The following MED13L variants were observed in gnomAD, a reference collection of about 807,000 sequenced individuals.
MED13L encodes mediator complex subunit 13L.
Under a neutral mutation model 220.9 loss-of-function variants are expected in MED13L, and 7 were observed. The observed-to-expected ratio is 0.03, with a 90% CI of 0.02 to 0.06. The LOEUF (loss-of-function observed/expected upper bound fraction) is 0.06, where lower values mean the gene tolerates loss of function less well. MED13L is among the 10% of genes least tolerant of loss of function. The pLI is 1.00. For missense variants in MED13L, 1,965 were observed against 2,760.5 expected, an observed-to-expected ratio of 0.71 and a Z score of 6.46; for synonymous variants, 1,011 against 1,015.2, an observed-to-expected ratio of 1.00 and a Z score of 0.08.
chr12:115,975,120 C>T lies in MED13L; in HGVS notation c.5731+51G>A, dbSNP rs369681219. The T allele has an allele frequency of 3.2e-6, 5 of 1,565,960 alleles. No homozygotes were observed. In the African/African-American group the frequency reaches 6.8e-5, roughly 21 times the overall value. On this transcript the variant is annotated intron_variant, in intron 25 of 30. Coordinates refer to ENST00000281928, the MANE Select transcript of MED13L (RefSeq NM_015335.5). Reference sequence around the variant, plus strand: ...CCCTTAGCTCAGTTAATGACAATAGCTGAGCCCTTTTCCTCTGTCTTCTGC... The same window carrying T: ...CCCTTAGCTCAGTTAATGACAATAGTTGAGCCCTTTTCCTCTGTCTTCTGC...
chr12:116,034,769 G>A (rs767424100), intron 4 of MED13L, among the ~76,000 whole-genome samples: 4 of 152,176 alleles, frequency 2.6e-5, no homozygotes, highest in Non-Finnish European at 5.9e-5. Context: ...ACTTTGGGAG[G>A]CCAAGGTGGG....
chr12:116,062,468 G>C (rs1244891999), intron 4 of MED13L, among the ~76,000 whole-genome samples: 6 of 142,692 alleles, frequency 4.2e-5, no homozygotes, highest in African/African-American at 1.6e-4. Context: ...ATAGAATAGT[G>C]TCTCTCTCTC....
At chr12:116,206,083 T>TC (rs1470684799) in intron 2 of MED13L, among the ~76,000 whole-genome samples, 1 of 137,844 alleles carries the variant, frequency 7.3e-6, no homozygotes, top group East Asian at 2.0e-4. Context: ...CCTTTTTTTT[T>TC]TTTTTTTTTT....
At chr12:116,208,366 A>C (rs1241310289) in intron 2 of MED13L, among the ~76,000 whole-genome samples, 1 of 152,200 alleles carries the variant, frequency 6.6e-6, no homozygotes, top group Non-Finnish European at 1.5e-5. Context: ...ATTGCACTCC[A>C]GCTTGGGCAA....
intron 1 of MED13L, among the ~76,000 whole-genome samples, chr12:116,241,080 G>A (rs920622315): frequency 2.6e-4 from 40 of 151,598 alleles, no homozygotes; most frequent in African/African-American, 5.1e-4. Flanking sequence ...AGGCAGAGGC[G>A]GGCGGATCAC....
At chr12:116,257,943 A>AC (rs1176122172) in intron 1 of MED13L, among the ~76,000 whole-genome samples, 3 of 152,158 alleles carry the variant, frequency 2.0e-5, no homozygotes, top group Non-Finnish European at 2.9e-5. Context: ...GCTGTATATT[A>AC]CTCCATTAAT....
chr12:116,048,588 T>G (rs537341474), intron 4 of MED13L, among the ~76,000 whole-genome samples: 1 of 152,148 alleles, frequency 6.6e-6, no homozygotes, highest in South Asian at 2.1e-4. Context: ...TGATACCATA[T>G]GGGCACCTTC....
chr12:116,244,425 G>A (rs763705569), intron 1 of MED13L, among the ~76,000 whole-genome samples: 3 of 152,052 alleles, frequency 2.0e-5, no homozygotes, highest in Non-Finnish European at 4.4e-5. Flanking sequence ...TAATTACAAC[G>A]GCAGGTGGAA....
At chr12:116,167,725 C>A (rs1879382884) in intron 2 of MED13L, among the ~76,000 whole-genome samples, 1 of 152,148 alleles carries the variant, frequency 6.6e-6, no homozygotes, top group Admixed American at 6.5e-5. Flanking sequence ...GCAGATATTC[C>A]AGTGTAGTCT....
At chr12:116,111,567 T>C in intron 2 of MED13L, 55 bp from the exon 3 acceptor site, 1 of 1,371,544 alleles carries the variant, frequency 7.3e-7, no homozygotes, top group East Asian at 2.3e-5. Flanking sequence ...GACATCCAAA[T>C]AAAAAGAAAC....
At chr12:116,224,589 C>T (rs1243656652) in intron 2 of MED13L, among the ~76,000 whole-genome samples, 2 of 152,170 alleles carry the variant, frequency 1.3e-5, no homozygotes, top group African/African-American at 4.8e-5. Flanking sequence ...ATAATAGAGG[C>T]TCAAATAAAT....
At chr12:116,198,356 A>AT (rs1345124341) in intron 2 of MED13L, among the ~76,000 whole-genome samples, 2 of 151,814 alleles carry the variant, frequency 1.3e-5, no homozygotes, top group African/African-American at 2.4e-5. Context: ...TTTAAAAAAA[A>AT]TTTTTTTTCA....
At chr12:115,994,420 A>G (rs1223716132) in intron 16 of MED13L, among the ~76,000 whole-genome samples, 1 of 152,184 alleles carries the variant, frequency 6.6e-6, no homozygotes, top group Non-Finnish European at 1.5e-5. Context: ...ACTGTACTCC[A>G]GCCCAGGTGA....
intron 2 of MED13L, among the ~76,000 whole-genome samples, chr12:116,210,315 C>T (rs1882608305): frequency 6.6e-6 from 1 of 152,156 alleles, no homozygotes; most frequent in South Asian, 2.1e-4. Context: ...GAAAAGTCAA[C>T]TGCTTTGAAA....
chr12:116,013,012 G>C, intron 8 of MED13L, 111 bp from the exon 9 acceptor site: 1 of 782,484 alleles, frequency 1.3e-6, no homozygotes, highest in South Asian at 1.4e-5. Flanking sequence ...GTATCCTGCT[G>C]ACATGTAGTT....
chr12:115,974,331 GTCTT>G (rs1876789889), intron 25 of MED13L, among the ~76,000 whole-genome samples: 1 of 152,178 alleles, frequency 6.6e-6, no homozygotes. Context: ...GTGACATTAA[GTCTT>G]TCTTTTGTGC....
At chr12:116,128,643 A>T (rs1297366820) in intron 2 of MED13L, among the ~76,000 whole-genome samples, 2 of 152,196 alleles carry the variant, frequency 1.3e-5, no homozygotes, top group Non-Finnish European at 2.9e-5. Context: ...AATTCATTCT[A>T]CTTATCAACT....
At chr12:116,103,653 T>C (rs1296280967) in intron 3 of MED13L, among the ~76,000 whole-genome samples, 1 of 152,206 alleles carries the variant, frequency 6.6e-6, no homozygotes, top group Non-Finnish European at 1.5e-5. Context: ...ACTAAATAGC[T>C]ACACAGACTG....
intron 4 of MED13L, among the ~76,000 whole-genome samples, chr12:116,046,001 A>T (rs2137562769): frequency 6.6e-6 from 1 of 152,134 alleles, no homozygotes; most frequent in South Asian, 2.1e-4. Flanking sequence ...TATAAAATCA[A>T]CTCTGGAGAA....
Sources: allele counts gnomAD v4.1 joint callset (sites outside exome capture counted in the v4.1 genomes callset), GRCh38; gene constraint gnomAD v4.1.1; transcripts MANE v1.5; gene names NCBI Gene and HGNC (gene_info 2026-07-23, HGNC 2026-07-21).